The following SOX30 variants were observed in gnomAD, a reference collection of about 807,000 sequenced individuals.
SOX30 encodes transcription factor SOX-30.
Under a neutral mutation model 58.6 loss-of-function variants are expected in SOX30, and 17 were observed. The ratio of observed to expected loss-of-function variants is 0.29; its 90% CI spans 0.20 to 0.44. SOX30 has a LOEUF of 0.44. SOX30 is among the 20% of genes least tolerant of loss of function. SOX30 has a pLI of 1.00. For missense variants in SOX30, 951 were observed against 965.8 expected, an observed-to-expected ratio of 0.98 and a Z score of 0.20; for synonymous variants, 421 against 400.2, an observed-to-expected ratio of 1.05 and a Z score of -0.62.
At chr5:157,645,855 T>G (rs760364345) in intron 3 of SOX30, among the ~76,000 whole-genome samples, 1 of 151,992 alleles carries the variant, frequency 6.6e-6, no homozygotes, top group Non-Finnish European at 1.5e-5. Context: ...ACCCCATCTC[T>G]ACTAAAAATA....
chr5:157,629,459 A>T (rs987740136), intron 4 of SOX30, among the ~76,000 whole-genome samples: 1 of 152,188 alleles, frequency 6.6e-6, no homozygotes, highest in South Asian at 2.1e-4. Flanking sequence ...TAAAGTCTAT[A>T]ACGCCAGCAT....
At chr5:157,636,248 TA>T (rs981554705) in intron 4 of SOX30, among the ~76,000 whole-genome samples, 50 of 152,332 alleles carry the variant, frequency 3.3e-4, no homozygotes, top group Admixed American at 2.9e-3. Context: ...ATTACAAAAT[TA>T]ATTATGTAGC....
At chr5:157,646,947 C>G in intron 2 of SOX30, 131 bp from the exon 3 acceptor site, 1 of 673,160 alleles carries the variant, frequency 1.5e-6, no homozygotes. Context: ...TTTTCCAGCT[C>G]CGGGATATTA....
At chr5:157,628,642 T>G (rs1007978012) in intron 4 of SOX30, among the ~76,000 whole-genome samples, 1 of 146,584 alleles carries the variant, frequency 6.8e-6, no homozygotes, top group Admixed American at 6.7e-5. Flanking sequence ...ACACTGTGCT[T>G]CTTTTTTTTT....
rs113355603 is a variant in SOX30 at position 157,635,921 on chromosome 5, T to C, written c.1880+2309A>G. Among the ~76,000 whole-genome samples the C allele has an allele frequency of 3.3e-3, 508 of 152,330 alleles. 2 individuals carry two copies. The highest frequency in any genetic ancestry group is 4.8e-3 in the Non-Finnish European group (329 of 68,020). On this transcript the variant is annotated intron_variant, in intron 4 of 4. Transcript: ENST00000265007. ...TGTCATAAAAGAAGTCTTACTGATA[T>C]AGTAAAAAAGACAAATATGAAATTC... is the stretch of plus-strand genomic sequence containing the variant.
At chr5:157,659,861 T>C (rs570905481) in intron 2 of SOX30, among the ~76,000 whole-genome samples, 41 of 152,368 alleles carry the variant, frequency 2.7e-4, no homozygotes, top group African/African-American at 9.4e-4. Flanking sequence ...GAAAGACTTA[T>C]CTAAAGACCT....
intron 4 of SOX30, among the ~76,000 whole-genome samples, chr5:157,628,497 C>G (rs1049244601): frequency 6.6e-6 from 1 of 151,946 alleles, no homozygotes; most frequent in Non-Finnish European, 1.5e-5. Context: ...GCCCTACCCC[C>G]AAATCTTCAA....
upstream of SOX30, among the ~76,000 whole-genome samples, chr5:157,653,201 A>G (rs1759405732): frequency 6.6e-6 from 1 of 152,150 alleles, no homozygotes; most frequent in South Asian, 2.1e-4. Flanking sequence ...CATTTTTCAT[A>G]TTGCAGCTCA....
At chr5:157,657,902 C>T (rs1759506631) in intron 2 of SOX30, among the ~76,000 whole-genome samples, 6 of 152,188 alleles carry the variant, frequency 3.9e-5, no homozygotes, top group Admixed American at 3.3e-4. Flanking sequence ...TGGAATGGCA[C>T]GTTTTCCTTT....
At chr5:157,660,236 C>T (rs1233919978) in intron 2 of SOX30, among the ~76,000 whole-genome samples, 5 of 152,118 alleles carry the variant, frequency 3.3e-5, no homozygotes, top group Admixed American at 6.5e-5. Context: ...ACATGGGCAA[C>T]GTGGCAAAAT....
intron 4 of SOX30, 108 bp downstream of exon 4, chr5:157,638,119 TGAA>T (rs112162860): frequency 0.081 from 90,260 of 1,120,058 alleles, 4,095 homozygotes; most frequent in African/African-American, 0.13. Flanking sequence ...TCAGCAGAAT[TGAA>T]GAAGTCTGCT....
chr5:157,651,665 C>T lies in SOX30; in HGVS notation c.414G>A (p.Lys138=). The T allele has an allele frequency of 6.2e-7, 1 of 1,610,642 alleles. No individual in the cohort carries two copies. The highest frequency in any genetic ancestry group is 8.5e-7 in the Non-Finnish European group (1 of 1,179,088). The change falls in exon 1 of 5, where the codon AAG becomes AAA. Residue 138 remains lysine, a synonymous_variant. Transcript: ENST00000265007. ...CCAGGCTGGGCCCCAGCTTCTGCTT[C>T]TTGGCCTTGACATGCAGCGCCAGGG... The part of the protein sequence containing the change: ...VQPLALHVKA[K]KQKLGPSLDQ...
At chr5:157,648,966 G>C in intron 1 of SOX30, 70 bp from the exon 2 acceptor site, 2 of 1,518,774 alleles carry the variant, frequency 1.3e-6, no homozygotes, top group East Asian at 2.3e-5. Flanking sequence ...TTAAGGTAAA[G>C]TGCACCTCCG....
chr5:157,634,007 G>A (rs1758868651), intron 4 of SOX30, among the ~76,000 whole-genome samples: 1 of 152,190 alleles, frequency 6.6e-6, no homozygotes, highest in South Asian at 2.1e-4. Context: ...AAGAATTAAT[G>A]TAGTACACAG....
intron 1 of SOX30, among the ~76,000 whole-genome samples, chr5:157,668,497 CA>C (rs1397467274): frequency 1.3e-5 from 2 of 152,094 alleles, no homozygotes; most frequent in Non-Finnish European, 2.9e-5. Flanking sequence ...TCCATTCATC[CA>C]TTCACTCACC....
At chr5:157,647,222 C>T (rs1018860994) in intron 2 of SOX30, among the ~76,000 whole-genome samples, 6 of 152,034 alleles carry the variant, frequency 3.9e-5, no homozygotes, top group African/African-American at 7.2e-5. Context: ...CCACCACACC[C>T]GGCTAATTTT....
chr5:157,669,385 ATTTTGGCCAGGCTGGTCT>A (rs1759730033), intron 1 of SOX30, among the ~76,000 whole-genome samples: 1 of 152,004 alleles, frequency 6.6e-6, no homozygotes, highest in African/African-American at 2.4e-5. Flanking sequence ...GGGTTTCACC[ATTTTGGCCAGGCTGGTCT>A]TAAACTCCTG....
chr5:157,654,858 G>C (rs1378264151), upstream of SOX30, among the ~76,000 whole-genome samples: 1 of 152,144 alleles, frequency 6.6e-6, no homozygotes, highest in African/African-American at 2.4e-5. Context: ...GTCTAAAAAG[G>C]GGAGGCATGA....
At chr5:157,632,370 T>C (rs1758834653) in intron 4 of SOX30, among the ~76,000 whole-genome samples, 1 of 152,214 alleles carries the variant, frequency 6.6e-6, no homozygotes, top group South Asian at 2.1e-4. Flanking sequence ...AGCTCTCTTT[T>C]CTCTGGTACT....
Sources: gnomAD v4.1 joint callset for allele counts (sites outside exome capture counted in the v4.1 genomes callset) on GRCh38, gnomAD v4.1.1 for gene constraint, MANE v1.5 for transcripts, NCBI Gene and HGNC (gene_info 2026-07-23, HGNC 2026-07-21) for gene names.